The following STARD13 variants were observed in gnomAD, a reference collection of about 807,000 sequenced individuals.
STARD13 encodes the protein stAR-related lipid transfer protein 13.
A neutral mutation model predicts 106.4 loss-of-function variants in STARD13; 62 were observed. That is an observed-to-expected ratio of 0.58 (90% CI 0.48 to 0.72). STARD13 has a LOEUF of 0.72. Ranked by LOEUF, STARD13 falls within the 30% of genes least tolerant of loss-of-function variation. The pLI is 0.00. For synonymous variants in STARD13, 565 were observed against 553.0 expected, an observed-to-expected ratio of 1.02 and a Z score of -0.31; for missense variants, 1,387 against 1,424.0, an observed-to-expected ratio of 0.97 and a Z score of 0.42.
the STARD13 span, among the ~76,000 whole-genome samples, chr13:33,614,092 AATTAAAGCAG>A: frequency 6.6e-6 from 1 of 152,154 alleles, no homozygotes; most frequent in African/African-American, 2.4e-5. Flanking sequence ...AATGTTTTAA[AATTAAAGCAG>A]ATTAAAGCAG....
At chr13:33,546,687 AG>A in the STARD13 span, among the ~76,000 whole-genome samples, 5 of 151,346 alleles carry the variant, frequency 3.3e-5, no homozygotes, top group African/African-American at 1.2e-4. Flanking sequence ...TCTGTCGCCC[AG>A]GCTGCAGTGC....
the STARD13 span, among the ~76,000 whole-genome samples, chr13:33,493,976 G>T: frequency 6.6e-6 from 1 of 152,168 alleles, no homozygotes; most frequent in Admixed American, 6.5e-5. Context: ...TTTCTCATCA[G>T]ACAGAGTAGT....
chr13:33,590,704 TGGGGGGA>T, the STARD13 span, among the ~76,000 whole-genome samples: 2 of 32,766 alleles, frequency 6.1e-5, no homozygotes, highest in Admixed American at 4.6e-4. Context: ...TGTCATGGGG[TGGGGGGA>T]GGGGGGAGGG....
At chr13:33,498,541 CA>C in the STARD13 span, among the ~76,000 whole-genome samples, 1 of 152,054 alleles carries the variant, frequency 6.6e-6, no homozygotes, top group African/African-American at 2.4e-5. Context: ...AAAAGATAAT[CA>C]ATGAGATTGA....
At chr13:33,488,277 G>A in the STARD13 span, among the ~76,000 whole-genome samples, 1 of 152,134 alleles carries the variant, frequency 6.6e-6, no homozygotes, top group East Asian at 1.9e-4. Flanking sequence ...CACCTTAGAG[G>A]TCTACCATGC....
chr13:33,401,647 C>G, the STARD13 span, among the ~76,000 whole-genome samples: 4 of 152,340 alleles, frequency 2.6e-5, no homozygotes, highest in African/African-American at 9.6e-5. Flanking sequence ...TGCATCAAGG[C>G]TGGATGGCTC....
At chr13:33,147,945 G>C (rs866201982) in intron 3 of STARD13, among the ~76,000 whole-genome samples, 1 of 152,184 alleles carries the variant, frequency 6.6e-6, no homozygotes, top group Non-Finnish European at 1.5e-5. Context: ...CGTTTATAAA[G>C]GAGCAAAGGC....
the STARD13 span, among the ~76,000 whole-genome samples, chr13:33,573,388 C>T: frequency 3.9e-5 from 6 of 152,104 alleles, no homozygotes; most frequent in African/African-American, 1.4e-4. Context: ...GAGGCCCATG[C>T]ACCATTGTAT....
the STARD13 span, among the ~76,000 whole-genome samples, chr13:33,546,324 G>A: frequency 2.6e-5 from 4 of 152,072 alleles, no homozygotes; most frequent in African/African-American, 9.7e-5. Context: ...CTGTTAAAGG[G>A]GTCTTAGTTG....
the STARD13 span, among the ~76,000 whole-genome samples, chr13:33,611,889 C>G: frequency 6.6e-6 from 1 of 152,114 alleles, no homozygotes; most frequent in Non-Finnish European, 1.5e-5. Context: ...CACCAGGGAC[C>G]GCACCACCAT....
chr13:33,143,036 G>T (rs1880045116), intron 3 of STARD13, among the ~76,000 whole-genome samples: 1 of 152,194 alleles, frequency 6.6e-6, no homozygotes. Flanking sequence ...CTCTGCATGT[G>T]AGGACACAGT....
the STARD13 span, among the ~76,000 whole-genome samples, chr13:33,378,659 G>A: frequency 6.6e-6 from 1 of 151,780 alleles, no homozygotes; most frequent in African/African-American, 2.4e-5. Flanking sequence ...GTGTGGTGGC[G>A]GGCGCCTGTA....
chr13:33,232,824 C>T (rs1331635382), intron 1 of STARD13, among the ~76,000 whole-genome samples: 1 of 152,172 alleles, frequency 6.6e-6, no homozygotes, highest in East Asian at 1.9e-4. Context: ...AGATACAAGA[C>T]CCCTCATTCA....
At chr13:33,416,248 A>G in the STARD13 span, among the ~76,000 whole-genome samples, 1 of 152,270 alleles carries the variant, frequency 6.6e-6, no homozygotes, top group South Asian at 2.1e-4. Context: ...ATCAATCACT[A>G]GATATCAATC....
intron 1 of STARD13, among the ~76,000 whole-genome samples, chr13:33,177,313 T>C (rs1884618662): frequency 6.6e-6 from 1 of 152,160 alleles, no homozygotes; most frequent in South Asian, 2.1e-4. Flanking sequence ...TAGCAAAATC[T>C]AAACCTAAGA....
the STARD13 span, among the ~76,000 whole-genome samples, chr13:33,579,001 A>G: frequency 1.3e-5 from 2 of 152,074 alleles, no homozygotes; most frequent in East Asian, 3.9e-4. Context: ...AAAAAAAACA[A>G]TGGATGTTGG....
the STARD13 span, among the ~76,000 whole-genome samples, chr13:33,367,722 C>G: frequency 1.3e-5 from 2 of 151,136 alleles, no homozygotes; most frequent in African/African-American, 4.9e-5. Context: ...ATCTAGCATG[C>G]CTTTATCTTA....
rs148556189 is a variant in STARD13 at position 33,127,502 on chromosome 13, G to C, written c.1793C>G (p.Pro598Arg). ...NSFQLSHQPR[P>R]APASPHISSQ... ...GCTGATGTGGGGCGATGCTGGGGCC[G>C]GCCGGGGCTGGTGCGACAGCTGGAA... Residue 598 changes from proline (P) to arginine (R), a missense_variant, in exon 6 of 14, where the codon CCG (proline) becomes CGG (arginine). Coordinates refer to ENST00000336934, the MANE Select transcript of STARD13 (RefSeq NM_178006.4). 5.1e-5 allele frequency: 81 copies of C among 1,579,552 alleles called. No individual in the cohort carries two copies. Among genetic ancestry groups the C allele is most frequent in the Non-Finnish European group, 6.6e-5 (77 of 1,169,406 alleles).
chr13:33,261,351 G>A (rs2138324367), intron 1 of STARD13, among the ~76,000 whole-genome samples: 1 of 152,238 alleles, frequency 6.6e-6, no homozygotes, highest in Admixed American at 6.5e-5. Flanking sequence ...TCGATAGTGG[G>A]GAGATTGAGA....
Sources: gnomAD v4.1 joint callset for allele counts (sites outside exome capture counted in the v4.1 genomes callset) on GRCh38, gnomAD v4.1.1 for gene constraint, MANE v1.5 for transcripts, NCBI Gene and HGNC (gene_info 2026-07-23, HGNC 2026-07-21) for gene names.